PLSCR2: variants seen among roughly 807,000 people sequenced by gnomAD.
PLSCR2 encodes the protein PL scramblase 2.
Under a neutral mutation model 25.3 loss-of-function variants are expected in PLSCR2, and 18 were observed. That is an observed-to-expected ratio of 0.71 (90% CI 0.49 to 1.06). PLSCR2 has a LOEUF of 1.06. Ranked by LOEUF, PLSCR2 falls within the 50% of genes least tolerant of loss-of-function variation. The pLI is 0.00. For synonymous variants in PLSCR2, 88 were observed against 87.3 expected (o/e 1.01, Z -0.04); for missense variants, 243 against 269.5 (o/e 0.90, Z 0.69).
At chr3:146,404,642 A>T (rs1433761008) in intron 2 of PLSCR2, among the ~76,000 whole-genome samples, 1 of 152,134 alleles carries the variant, frequency 6.6e-6, no homozygotes, top group Non-Finnish European at 1.5e-5. Context: ...AAAGGTCAAC[A>T]TCTAGAGTCT....
At chr3:146,485,041 C>G (rs529145811) in intron 1 of PLSCR2, among the ~76,000 whole-genome samples, 38 of 151,642 alleles carry the variant, frequency 2.5e-4, no homozygotes, top group African/African-American at 8.0e-4. Context: ...TTCAGGAGAC[C>G]TATCTTCTGT....
chr3:146,425,982 T>G (rs1326993016), intron 2 of PLSCR2, among the ~76,000 whole-genome samples: 1 of 152,182 alleles, frequency 6.6e-6, no homozygotes, highest in Non-Finnish European at 1.5e-5. Flanking sequence ...CTTTTACTCC[T>G]CAAACTTTCA....
chr3:146,488,817 G>A (rs550734386), intron 1 of PLSCR2, among the ~76,000 whole-genome samples: 75 of 152,162 alleles, frequency 4.9e-4, no homozygotes, highest in African/African-American at 1.7e-3. Flanking sequence ...CCATTACTGG[G>A]TATATAACAG....
At chr3:146,407,039 A>G (rs1212009882) in intron 2 of PLSCR2, among the ~76,000 whole-genome samples, 1 of 152,230 alleles carries the variant, frequency 6.6e-6, no homozygotes, top group Non-Finnish European at 1.5e-5. Flanking sequence ...TTAAAAGGTG[A>G]CAACCTAGCT....
intron 1 of PLSCR2, among the ~76,000 whole-genome samples, chr3:146,477,751 T>C (rs368754858): frequency 1.3e-5 from 2 of 152,302 alleles, no homozygotes; most frequent in South Asian, 2.1e-4. Context: ...GCACAGCATT[T>C]GAGCTCTGAG....
upstream of PLSCR2, among the ~76,000 whole-genome samples, chr3:146,462,365 T>A (rs934611207): frequency 6.6e-6 from 1 of 152,134 alleles, no homozygotes; most frequent in African/African-American, 2.4e-5. Context: ...GTCTTGGGAT[T>A]ACAGGCATAA....
intron 1 of PLSCR2, among the ~76,000 whole-genome samples, chr3:146,487,990 A>T (rs188091392): frequency 6.6e-6 from 1 of 152,292 alleles, no homozygotes; most frequent in Admixed American, 6.5e-5. Context: ...AGATGAATGG[A>T]ATGGAATAGA....
At position 146,471,471 on chromosome 3, in the gene PLSCR2, C is replaced by T. The variant is rs369098739; in HGVS notation, c.-292-11187G>A. On this transcript the variant is annotated intron_variant, in intron 1 of 8. Transcript: ENST00000336685. ...TGTGATTTGTCTGAAATATAATGCT[C>T]ATTTTGTTATTGTTGTTGGATTGGG... 1.3e-4 allele frequency among the ~76,000 whole-genome samples: 19 copies of T among 151,458 alleles called. 1 individual carries two copies. The East Asian group carries it at 1.5e-3, about 12-fold the overall frequency.
chr3:146,447,920 C>T (rs933979272), intron 6 of PLSCR2, among the ~76,000 whole-genome samples: 11 of 152,184 alleles, frequency 7.2e-5, no homozygotes, highest in Admixed American at 3.9e-4. Context: ...ATGCTGTCTC[C>T]ATGAGTGCCA....
chr3:146,401,308 T>A (rs1439874493), intron 2 of PLSCR2: 1 of 152,554 alleles, frequency 6.6e-6, no homozygotes, highest in African/African-American at 2.4e-5. Flanking sequence ...GACTTTATCA[T>A]ACTGTCCGGC....
At chr3:146,470,189 T>G (rs1239710015) in intron 1 of PLSCR2, among the ~76,000 whole-genome samples, 4 of 152,184 alleles carry the variant, frequency 2.6e-5, no homozygotes, top group African/African-American at 9.7e-5. Context: ...CCTTTGATTT[T>G]TCAGGGTGTG....
downstream of PLSCR2, among the ~76,000 whole-genome samples, chr3:146,428,832 C>G (rs759158970): frequency 2.0e-5 from 3 of 152,174 alleles, no homozygotes; most frequent in Non-Finnish European, 4.4e-5. Context: ...TCATGGGGTT[C>G]AGAATGGTTT....
At chr3:146,413,388 C>T (rs1255881708) in intron 2 of PLSCR2, among the ~76,000 whole-genome samples, 2 of 152,102 alleles carry the variant, frequency 1.3e-5, no homozygotes, top group Non-Finnish European at 2.9e-5. Flanking sequence ...CACATTTTTC[C>T]ATTCTGTTTC....
At chr3:146,449,482 G>A in intron 5 of PLSCR2, 115 bp from the exon 6 acceptor site, 1 of 643,858 alleles carries the variant, frequency 1.6e-6, no homozygotes, top group Non-Finnish European at 2.6e-6. Context: ...CACCATACAT[G>A]AGTATACAGT....
At chr3:146,481,002 A>G (rs2043110603) in intron 1 of PLSCR2, among the ~76,000 whole-genome samples, 1 of 152,210 alleles carries the variant, frequency 6.6e-6, no homozygotes, top group South Asian at 2.1e-4. Flanking sequence ...AGCTCAATAG[A>G]TGCAGAAAAG....
intron 1 of PLSCR2, among the ~76,000 whole-genome samples, chr3:146,491,382 A>G (rs906783931): frequency 6.6e-6 from 1 of 151,566 alleles, no homozygotes; most frequent in Non-Finnish European, 1.5e-5. Flanking sequence ...GAATTTCTTA[A>G]ATTTTCACAC....
At chr3:146,460,299 G>A (rs1246058100) in exon 1 of PLSCR2, 18 of 1,049,544 alleles carry the variant, frequency 1.7e-5, no homozygotes, top group African/African-American at 3.3e-5. Flanking sequence ...GAATAGAGTC[G>A]GCCTAGAGCT....
At chr3:146,469,194 G>A in intron 1 of PLSCR2, 1 of 985,484 alleles carries the variant, frequency 1.0e-6, no homozygotes, top group Non-Finnish European at 1.2e-6. Flanking sequence ...ACTCTGCCCA[G>A]GATTCAGGGC....
chr3:146,424,598 G>T (rs952926590), intron 2 of PLSCR2, among the ~76,000 whole-genome samples: 11 of 151,998 alleles, frequency 7.2e-5, no homozygotes, highest in Non-Finnish European at 1.5e-4. Flanking sequence ...CTGCTGTTTT[G>T]CTTTTTATAG....
Sources: allele counts gnomAD v4.1 joint callset (sites outside exome capture counted in the v4.1 genomes callset), GRCh38; gene constraint gnomAD v4.1.1; transcripts MANE v1.5; gene names NCBI Gene and HGNC (gene_info 2026-07-23, HGNC 2026-07-21).